PCYT1A: variants seen among roughly 807,000 people sequenced by gnomAD.
PCYT1A encodes the protein phosphate cytidylyltransferase 1A, choline.
Under a neutral mutation model 43.7 loss-of-function variants are expected in PCYT1A, and 25 were observed. The observed-to-expected ratio is 0.57, with a 90% confidence interval of 0.42 to 0.80. The LOEUF (loss-of-function observed/expected upper bound fraction) is 0.80, where lower values mean the gene tolerates loss of function less well. Among genes scored for constraint, PCYT1A ranks in the 30% least tolerant of loss-of-function variants. The pLI, the probability that PCYT1A is intolerant of heterozygous loss-of-function variation, is 0.00. For missense variants in PCYT1A, 421 were observed against 474.2 expected, an observed-to-expected ratio of 0.89 and a Z score of 1.04; for synonymous variants, 172 against 170.7, an observed-to-expected ratio of 1.01 and a Z score of -0.06.
chr3:196,247,356 C>T lies in PCYT1A; in HGVS notation c.486+11G>A, dbSNP rs766938664. On this transcript the variant is annotated intron_variant, in intron 5 of 8. Transcript: ENST00000431016. This position sits in a 1 kb window ranked among gnomAD's most constrained non-coding sequence, Gnocchi z 4.8. Reference sequence around the variant, plus strand: ...GAAACAAGGAATGGGAATATGTGTCCAGTTTCTTACCCGGTGTTCGGCCAG... The same window carrying T: ...GAAACAAGGAATGGGAATATGTGTCTAGTTTCTTACCCGGTGTTCGGCCAG... 1.2e-6 allele frequency: 2 copies of T among 1,613,400 alleles called. No homozygotes were observed. Among genetic ancestry groups the T allele is most frequent in the Non-Finnish European group, 1.7e-6 (2 of 1,179,906 alleles).
At chr3:196,243,823 C>T (rs1724450011) in intron 5 of PCYT1A, among the ~76,000 whole-genome samples, 1 of 152,278 alleles carries the variant, frequency 6.6e-6, no homozygotes, top group Admixed American at 6.5e-5. Flanking sequence ...GACGGAGTCT[C>T]GTTCACTCAG....
At chr3:196,250,653 C>G (rs925307879) in intron 3 of PCYT1A, 2 of 163,430 alleles carry the variant, frequency 1.2e-5, no homozygotes, top group Non-Finnish European at 2.6e-5. Flanking sequence ...ATCAGATACA[C>G]TATGTTGAGG....
At chr3:196,259,531 TTTTG>T (rs1265935221) in intron 2 of PCYT1A, among the ~76,000 whole-genome samples, 5 of 152,174 alleles carry the variant, frequency 3.3e-5, no homozygotes, top group African/African-American at 9.7e-5. Context: ...AACACGTTTT[TTTTG>T]TTTGTTTGTT....
intron 1 of PCYT1A, among the ~76,000 whole-genome samples, chr3:196,283,130 G>T (rs2108784056): frequency 6.6e-6 from 1 of 152,314 alleles, no homozygotes; most frequent in African/African-American, 2.4e-5. Context: ...TTGAGGTCTG[G>T]AGTTTAAGAC....
chr3:196,255,256 A>C (rs1724920340), intron 3 of PCYT1A, among the ~76,000 whole-genome samples: 1 of 152,224 alleles, frequency 6.6e-6, no homozygotes. Context: ...TTGTTCCACC[A>C]AAAATACAAT....
At position 196,238,694 on chromosome 3, in the gene PCYT1A, T is replaced by G. The variant is rs1724251602; in HGVS notation, c.1098A>C (p.Glu366Asp). Residue 366 changes from glutamate to aspartate, a missense_variant, in exon 9 of 9, where the codon GAA (glutamate) becomes GAC (aspartate). Glu to Asp is a conservative substitution (Grantham distance 45). This residue lies in a region of PCYT1A where 108 missense variants were observed against 85.7 expected (regional missense o/e 1.26). Transcript: ENST00000431016. ...AAAYDISEDE[E>D]D ...GGAAAGGAGGGAGGAAACATTAGTC[T>G]TCTTCATCCTCACTGATATCATAGG... 1 of 1,527,562 alleles carries G rather than the reference T, an allele frequency of 6.5e-7. No individual in the cohort carries two copies. The highest frequency in any genetic ancestry group is 1.2e-5 in the South Asian group (1 of 80,170). The allele number at this position is 1,527,562 out of a possible 1,614,324, so 94.6% of individuals were successfully genotyped here.
intron 1 of PCYT1A, among the ~76,000 whole-genome samples, chr3:196,286,858 G>C (rs983666586): frequency 6.6e-6 from 1 of 152,230 alleles, no homozygotes; most frequent in African/African-American, 2.4e-5. Flanking sequence ...AGGTTGCGGT[G>C]AGCTGAGATC....
chr3:196,280,094 G>C (rs576175078), intron 1 of PCYT1A, among the ~76,000 whole-genome samples: 1 of 152,246 alleles, frequency 6.6e-6, no homozygotes, highest in East Asian at 1.9e-4. Context: ...GTCTCCCAAA[G>C]TGCTGGGATT....
intron 1 of PCYT1A, among the ~76,000 whole-genome samples, chr3:196,280,462 T>C (rs1393294962): frequency 1.3e-5 from 2 of 152,124 alleles, no homozygotes. Flanking sequence ...CAATCTTCTC[T>C]ACATTACTTA....
chr3:196,254,797 CT>C (rs1724904654), intron 3 of PCYT1A, among the ~76,000 whole-genome samples: 1 of 152,156 alleles, frequency 6.6e-6, no homozygotes, highest in Non-Finnish European at 1.5e-5. Flanking sequence ...CAGAAGAAAC[CT>C]GGGTTTCAGT....
At chr3:196,245,993 T>C (rs1185592665) in intron 5 of PCYT1A, among the ~76,000 whole-genome samples, 1 of 150,772 alleles carries the variant, frequency 6.6e-6, no homozygotes, top group Non-Finnish European at 1.5e-5. Flanking sequence ...AACTCAAGGT[T>C]GAGTATATAT....
intron 7 of PCYT1A, among the ~76,000 whole-genome samples, chr3:196,240,299 T>C (rs1483870785): frequency 6.6e-6 from 1 of 152,214 alleles, no homozygotes; most frequent in Non-Finnish European, 1.5e-5. Flanking sequence ...ATTTGCAAAA[T>C]GATGATACTC....
chr3:196,267,944 G>A (rs1725325051), intron 2 of PCYT1A, among the ~76,000 whole-genome samples: 2 of 152,324 alleles, frequency 1.3e-5, no homozygotes, highest in African/African-American at 2.4e-5. Flanking sequence ...TTTACTAGCA[G>A]ACATTCCTCC....
intron 2 of PCYT1A, among the ~76,000 whole-genome samples, chr3:196,261,528 G>A (rs772838221): frequency 3.9e-5 from 6 of 152,110 alleles, no homozygotes; most frequent in East Asian, 3.9e-4. Context: ...AGTGGTGGGC[G>A]CCTGTAATAC....
At chr3:196,271,284 C>T (rs1380151259) in intron 1 of PCYT1A, among the ~76,000 whole-genome samples, 2 of 152,062 alleles carry the variant, frequency 1.3e-5, no homozygotes, top group Admixed American at 1.3e-4. Flanking sequence ...CTCCCAAAGA[C>T]TTGGGATGAC....
chr3:196,239,658 T>C lies in PCYT1A; in HGVS notation c.786A>G (p.Glu262=). ...KVKDVEEKSK[E]FVQKVEEKSI... Reference sequence around the variant, plus strand: ...TTTTTTCCTCCACCTTCTGAACAAATTCTTTTGACTTTTCCTCCACATCTT... The same window carrying C: ...TTTTTTCCTCCACCTTCTGAACAAACTCTTTTGACTTTTCCTCCACATCTT... The change falls in exon 8 of 9, where the codon GAA becomes GAG. Residue 262 remains glutamate (E), a synonymous_variant. Coordinates refer to ENST00000431016, the MANE Select transcript of PCYT1A (RefSeq NM_001312673.2). 6.2e-7 allele frequency: 1 copy of C among 1,611,590 alleles called. No homozygotes were observed. The highest frequency in any genetic ancestry group is 8.5e-7 in the Non-Finnish European group (1 of 1,177,636).
intron 7 of PCYT1A, chr3:196,240,070 T>G: frequency 4.1e-6 from 1 of 245,840 alleles, no homozygotes; most frequent in Non-Finnish European, 7.9e-6. Flanking sequence ...CCGAACCTCA[T>G]TCCAGACGGA....
intron 2 of PCYT1A, among the ~76,000 whole-genome samples, chr3:196,262,884 G>A (rs371820112): frequency 1.5e-3 from 220 of 148,496 alleles, no homozygotes; most frequent in African/African-American, 4.0e-3. Flanking sequence ...AACCTCTGCC[G>A]CCCAGGATCA....
At chr3:196,276,568 A>G (rs1453461811) in intron 1 of PCYT1A, among the ~76,000 whole-genome samples, 1 of 151,872 alleles carries the variant, frequency 6.6e-6, no homozygotes, top group East Asian at 1.9e-4. Flanking sequence ...GCACCACTGC[A>G]CTCCAGCCTG....
Sources: gnomAD v4.1 joint callset for allele counts (sites outside exome capture counted in the v4.1 genomes callset) on GRCh38, gnomAD v4.1.1 for gene constraint, gnomAD v4.1.1 regional missense constraint, Gnocchi (gnomAD v3.1) non-coding constraint, MANE v1.5 for transcripts, NCBI Gene and HGNC (gene_info 2026-07-23, HGNC 2026-07-21) for gene names.